Variants in OTOF observed in about 807,000 individuals in gnomAD.
The protein encoded by OTOF is fer-1-like family member 2.
In OTOF, 218 loss-of-function variants were observed where a neutral mutation model predicts 236.8. The observed-to-expected ratio is 0.92, with a 90% confidence interval of 0.82 to 1.03. The LOEUF is 1.03. Among genes scored for constraint, OTOF ranks in the 50% least tolerant of loss-of-function variants. OTOF has a pLI of 0.00. For missense variants in OTOF, 2,590 were observed against 2,694.4 expected (o/e 0.96, Z 0.86); for synonymous variants, 1,041 against 1,072.5 (o/e 0.97, Z 0.57).
At chr2:26,491,919 T>TCCTTTTGTAATAGCTTA (rs1385171875) in intron 9 of OTOF, among the ~76,000 whole-genome samples, 3 of 152,250 alleles carry the variant, frequency 2.0e-5, no homozygotes, top group African/African-American at 7.2e-5. Flanking sequence ...GAGCATATTT[T>TCCTTTTGTAATAGCTTA]CCTTTTGTAA....
chr2:26,482,048 T>TAC (rs1179690151), intron 14 of OTOF, among the ~76,000 whole-genome samples: 1 of 152,196 alleles, frequency 6.6e-6, no homozygotes, highest in African/African-American at 2.4e-5. Flanking sequence ...CATATATATA[T>TAC]ACACACACAC....
At position 26,540,651 on chromosome 2, in the gene OTOF, G is replaced by A. The variant is rs138041354; in HGVS notation, c.80-2877C>T. Among the ~76,000 whole-genome samples the A allele has an allele frequency of 3.5e-3, 535 of 152,244 alleles. 4 individuals are homozygous for A. The highest frequency in any genetic ancestry group is 0.012 in the African/African-American group (497 of 41,534). On this transcript the variant is annotated intron_variant, in intron 1 of 46. Coordinates refer to ENST00000272371, the MANE Select transcript of OTOF (RefSeq NM_194248.3). Reference sequence around the variant, plus strand: ...GCAGAGCTCCCCTCTGACGAGGGCCGGGGGTGGCGGGGTCGTTGATGTCAG... The same window carrying A: ...GCAGAGCTCCCCTCTGACGAGGGCCAGGGGTGGCGGGGTCGTTGATGTCAG...
chr2:26,480,363 C>T (rs552924476), intron 15 of OTOF, 52 bp from the exon 16 acceptor site: 67 of 1,115,884 alleles, frequency 6.0e-5, no homozygotes, highest in Admixed American at 1.2e-4. Flanking sequence ...GGTGGCAGGT[C>T]GGGGGCCAGG....
Position 26,476,880 on chromosome 2 carries a change from C to A in OTOF, c.2676+11G>T. 6 of 1,606,694 alleles carry A rather than the reference C, an allele frequency of 3.7e-6. No homozygotes were observed. Among genetic ancestry groups the A allele is most frequent in the Non-Finnish European group, 5.1e-6 (6 of 1,179,368 alleles). On this transcript the variant is annotated intron_variant, in intron 22 of 46. Coordinates refer to ENST00000272371, the MANE Select transcript of OTOF (RefSeq NM_194248.3). ...GACCCAGGCCCCCATCCATCCTGCC[C>A]CCTCCAGCACCTTAAGGAAGAGCGT...
rs763827215 is a variant in OTOF at position 26,475,446 on chromosome 2, G to A, written c.3039C>T (p.Phe1013=). ...CTTCACCATAGAGCTCCAGGTTGTC[G>A]AACACCAGCATCTGGTCCCAGGTGG... ...LCPTWDQMLV[F]DNLELYGEAH... is the part of the protein sequence containing the mutation. Residue 1013 remains phenylalanine, a synonymous_variant, in exon 25 of 47, where the codon TTC becomes TTT. Transcript: ENST00000272371. The A allele has an allele frequency of 6.2e-6, 10 of 1,612,862 alleles. No homozygotes were observed. Among genetic ancestry groups the A allele is most frequent in the Middle Eastern group, 1.6e-4 (1 of 6,084 alleles).
intron 2 of OTOF, among the ~76,000 whole-genome samples, chr2:26,536,902 C>T (rs1346607839): frequency 5.3e-5 from 8 of 152,068 alleles, no homozygotes; most frequent in Admixed American, 1.3e-4. Context: ...TGTGAGGAGG[C>T]GGAGGAGGCC....
intron 1 of OTOF, among the ~76,000 whole-genome samples, chr2:26,541,546 TACAA>T (rs1266606780): frequency 6.6e-6 from 1 of 152,232 alleles, no homozygotes; most frequent in African/African-American, 2.4e-5. Flanking sequence ...GGAGGGTATG[TACAA>T]ACAGTGGCTG....
Position 26,480,818 on chromosome 2 carries a change from C to T in OTOF, c.1771G>A (p.Val591Met), listed in dbSNP as rs1396092031. Residue 591 changes from valine to methionine, a missense_variant, in exon 15 of 47, where the codon GTG (valine) becomes ATG (methionine). Transcript: ENST00000272371. ...SNPELTSSTE[V>M]QVEQATPISE... is the part of the protein sequence containing the mutation. ...ATGGGCGTGGCCTGCTCCACCTGCA[C>T]CTCTGTGGAGCTGGTGAGCTCAGGG... The T allele has an allele frequency of 1.9e-6, 3 of 1,612,740 alleles. No homozygotes were observed. The highest frequency in any genetic ancestry group is 1.1e-5 in the South Asian group (1 of 91,068).
chr2:26,501,925 C>T, intron 7 of OTOF, 117 bp from the exon 8 acceptor site: 1 of 778,258 alleles, frequency 1.3e-6, no homozygotes, highest in Non-Finnish European at 2.3e-6. Context: ...GGTCTTTAAA[C>T]ACTCAAGCAC....
rs1323071545 is a variant in OTOF, at chr2:26,458,044, G to A, written c.*194C>T. The stretch of plus-strand genomic sequence containing the variant: ...GCTGGCGGGAGCTGGCGGCCTTCAT[G>A]CCCCAAGGAGCTTTTTGACCATGTA... On this transcript the variant is annotated 3_prime_UTR_variant, in exon 47 of 47. Transcript: ENST00000272371. 5 of 1,612,238 alleles carry A rather than the reference G, an allele frequency of 3.1e-6. No individual in the cohort carries two copies. The highest frequency in any genetic ancestry group is 4.2e-6 in the Non-Finnish European group (5 of 1,178,606).
At chr2:26,489,498 A>C (rs1012054825) in intron 10 of OTOF, among the ~76,000 whole-genome samples, 180 bp downstream of exon 10, 1 of 152,232 alleles carries the variant, frequency 6.6e-6, no homozygotes, top group African/African-American at 2.4e-5. Context: ...ATTCAGAGGC[A>C]TCCAATGAAA....
At chr2:26,545,365 T>G (rs6720526) in intron 1 of OTOF, among the ~76,000 whole-genome samples, 31,334 of 152,130 alleles carry the variant, frequency 0.21, 3,866 homozygotes, top group African/African-American at 0.35. Flanking sequence ...TTTGTCTTAT[T>G]ATTATTGACT....
chr2:26,474,630 C>T lies in OTOF; in HGVS notation c.3171G>A (p.Val1057=), dbSNP rs1294564550. The change falls in exon 26 of 47, where the codon GTG becomes GTA. Residue 1057 remains valine (V), a synonymous_variant. Transcript: ENST00000272371. ...GGCAGTACGCCTCGTCTGCCATCTT[C>T]ACCAGGGGTTTGGCGAAGGTCCGGC... The part of the protein sequence containing the change: ...FMGRTFAKPL[V]KMADEAYCPP... 1.2e-6 allele frequency: 2 copies of T among 1,613,364 alleles called. No individual in the cohort carries two copies. The highest frequency in any genetic ancestry group is 1.3e-5 in the African/African-American group (1 of 75,060).
intron 9 of OTOF, among the ~76,000 whole-genome samples, chr2:26,490,680 G>A (rs927645497): frequency 5.3e-5 from 8 of 152,212 alleles, no homozygotes; most frequent in African/African-American, 1.7e-4. Flanking sequence ...CCACCTGGCT[G>A]TTACTGCTAG....
chr2:26,505,311 C>T (rs7590084), intron 5 of OTOF, among the ~76,000 whole-genome samples: 36,778 of 151,840 alleles, frequency 0.24, 5,261 homozygotes, highest in East Asian at 0.51. Context: ...ATCTGAAATA[C>T]GACAATGAGA....
Position 26,475,507 on chromosome 2 carries a change from T to C in OTOF, c.2992-14A>G, listed in dbSNP as rs370041999. 1 of 1,610,196 alleles carries C rather than the reference T, an allele frequency of 6.2e-7. No individual in the cohort carries two copies. Among genetic ancestry groups the C allele is most frequent in the Non-Finnish European group, 8.5e-7 (1 of 1,178,492 alleles). ...CTCATTCAGCACCTGCAGCATGGGA[T>C]GGGGAGACAGGGGACAAGTGACAGA... On this transcript the variant is annotated splice_polypyrimidine_tract_variant and intron_variant, in intron 24 of 46. Transcript: ENST00000272371.
intron 38 of OTOF, 69 bp downstream of exon 38, chr2:26,465,603 T>C (rs1558470855): frequency 2.6e-6 from 4 of 1,519,608 alleles, no homozygotes; most frequent in Non-Finnish European, 3.7e-6. Flanking sequence ...CACCAGGATC[T>C]GAATCTCATT....
At chr2:26,549,735 C>T (rs1050131646) in intron 1 of OTOF, among the ~76,000 whole-genome samples, 2 of 152,206 alleles carry the variant, frequency 1.3e-5, no homozygotes, top group East Asian at 3.8e-4. Context: ...TGATAAATCC[C>T]ATCTCTCTGG....
At chr2:26,469,905 T>C (rs899271555) in intron 32 of OTOF, among the ~76,000 whole-genome samples, 1 of 152,140 alleles carries the variant, frequency 6.6e-6, no homozygotes. Flanking sequence ...TCCCTCCTGG[T>C]CAGGTGGCCA....
Sources: gnomAD v4.1 joint callset for allele counts (sites outside exome capture counted in the v4.1 genomes callset) on GRCh38, gnomAD v4.1.1 for gene constraint, MANE v1.5 for transcripts, NCBI Gene and HGNC (gene_info 2026-07-23, HGNC 2026-07-21) for gene names.